Variants in STKLD1 observed in about 807,000 individuals in gnomAD.
The protein encoded by STKLD1 is serine/threonine kinase like domain containing 1.
STKLD1 carries 79 observed loss-of-function variants against 80.4 expected under a neutral mutation model. The ratio of observed to expected loss-of-function variants is 0.98; its 90% confidence interval spans 0.82 to 1.19. The LOEUF (loss-of-function observed/expected upper bound fraction) is 1.19, where lower values mean the gene tolerates loss of function less well. Ranked by LOEUF, STKLD1 falls within the 50% of genes most tolerant of loss-of-function variation. The pLI is 0.00. For missense variants in STKLD1, 841 were observed against 856.0 expected (o/e 0.98, Z 0.22); for synonymous variants, 393 against 357.6 (o/e 1.10, Z -1.12).
chr9:133,385,167 A>G lies in STKLD1; in HGVS notation c.220-450A>G, dbSNP rs1838236616. 6.6e-6 allele frequency among the ~76,000 whole-genome samples: 1 copy of G among 152,200 alleles called. No individual in the cohort carries two copies. The highest frequency in any genetic ancestry group is 2.4e-5 in the African/African-American group (1 of 41,434). ...TTGTCTGTCTGGCTCCATGTCTCTA[A>G]GGCAGCCCTATCTGCTCCTGTTTGG... On this transcript the variant is annotated intron_variant, in intron 3 of 17. Transcript: ENST00000371957. This position sits in a 1 kb window ranked among gnomAD's most constrained non-coding sequence, Gnocchi z 4.9.
intron 10 of STKLD1, among the ~76,000 whole-genome samples, chr9:133,397,676 C>T (rs897239300): frequency 6.6e-6 from 1 of 152,214 alleles, no homozygotes; most frequent in Non-Finnish European, 1.5e-5. Context: ...GGACATCTTC[C>T]TCACACAGCA....
intron 2 of STKLD1, among the ~76,000 whole-genome samples, chr9:133,380,581 C>T (rs997581226): frequency 2.6e-5 from 4 of 151,914 alleles, no homozygotes; most frequent in African/African-American, 7.2e-5. Context: ...TGAACCCGGG[C>T]GGCGGAGGTT....
chr9:133,388,409 A>G (rs912715620), intron 5 of STKLD1, among the ~76,000 whole-genome samples: 2 of 151,986 alleles, frequency 1.3e-5, no homozygotes, highest in Non-Finnish European at 2.9e-5. Context: ...CACCACACCC[A>G]CTAATTTTTG....
intron 9 of STKLD1, 177 bp downstream of exon 9, chr9:133,395,940 C>T (rs587687818): frequency 2.9e-4 from 183 of 640,226 alleles, no homozygotes; most frequent in Non-Finnish European, 4.5e-4. Context: ...AACCGTGCTG[C>T]GGCGAGTAAT....
chr9:133,379,591 T>C (rs1838085179), intron 2 of STKLD1, among the ~76,000 whole-genome samples: 1 of 152,030 alleles, frequency 6.6e-6, no homozygotes, highest in Non-Finnish European at 1.5e-5. Flanking sequence ...CCAGAGAGGA[T>C]GGGGACTGGC....
At chr9:133,400,258 C>G (rs1490036325) in intron 11 of STKLD1, among the ~76,000 whole-genome samples, 155 bp from the exon 12 acceptor site, 1 of 152,232 alleles carries the variant, frequency 6.6e-6, no homozygotes, top group African/African-American at 2.4e-5. Context: ...GGCATGCACT[C>G]CATGGACCTA....
Position 133,390,316 on chromosome 9 carries a change from G to A in STKLD1, c.468-365G>A, listed in dbSNP as rs1346972018. 2.6e-5 allele frequency among the ~76,000 whole-genome samples: 4 copies of A among 151,610 alleles called. No individual in the cohort carries two copies. Among genetic ancestry groups the A allele is most frequent in the South Asian group, 2.1e-4 (1 of 4,820 alleles). ...ACATCCAGTGTTCATGTCACTAGAC[G>A]TCGCACAATGGCCAAAAATCAATCC... On this transcript the variant is annotated intron_variant, in intron 6 of 17. Transcript: ENST00000371957. The surrounding 1 kb of genome is among the most constrained non-coding windows in gnomAD (Gnocchi z 5.1).
In STKLD1 at chr9:133,389,560, C is replaced by T. The variant is rs146272196; in HGVS notation, c.431C>T (p.Ala144Val). 2.0e-5 allele frequency: 33 copies of T among 1,613,520 alleles called. No homozygotes were observed. The highest frequency in any genetic ancestry group is 1.1e-4 in the African/African-American group (8 of 75,040). The change falls in exon 6 of 18, where the codon GCG becomes GTG. Residue 144 changes from alanine to valine, a missense_variant. Transcript: ENST00000371957. This position sits in a 1 kb window ranked among gnomAD's most constrained non-coding sequence, Gnocchi z 6.4. ...MQNVLGQVLD[A>V]LEYLHHLDII... ...AATGTGCTGGGCCAGGTGCTGGACG[C>T]GCTGGAATACCTGCACCATTTGGAC... is the stretch of plus-strand genomic sequence containing the variant.
rs782502221 is a variant in STKLD1 at position 133,400,461 on chromosome 9, A to C, written c.1130A>C (p.Glu377Ala). The C allele has an allele frequency of 6.2e-7, 1 of 1,613,338 alleles. No homozygotes were observed. Among genetic ancestry groups the C allele is most frequent in the Admixed American group, 1.7e-5 (1 of 60,024 alleles). Residue 377 changes from glutamate to alanine, a missense_variant, in exon 12 of 18, where the codon GAG (glutamate) becomes GCG (alanine). Physicochemically the swap from Glu to Ala is moderately radical, Grantham distance 107. Transcript: ENST00000371957. ...ELVEVVVTTM[E>A]LHDRVLDVQL... ...GTGGAGGTGGTGGTCACGACCATGG[A>C]GCTACATGACAGGGTCCTCGATGTC...
intron 11 of STKLD1, 68 bp downstream of exon 11, chr9:133,398,123 G>A (rs1588752754): frequency 1.3e-6 from 2 of 1,489,694 alleles, no homozygotes; most frequent in South Asian, 1.2e-5. Flanking sequence ...CCGGCCTGTG[G>A]GGAGCTGAGG....
intron 1 of STKLD1, among the ~76,000 whole-genome samples, chr9:133,377,429 G>T (rs1171841084): frequency 6.6e-6 from 1 of 152,220 alleles, no homozygotes; most frequent in Non-Finnish European, 1.5e-5. Context: ...ACTTTGGGAG[G>T]CCAAGGCGGG....
At chr9:133,392,152 C>T (rs1489640853) in intron 7 of STKLD1, among the ~76,000 whole-genome samples, 8 of 151,326 alleles carry the variant, frequency 5.3e-5, no homozygotes, top group Non-Finnish European at 1.5e-5. Context: ...TCTCGGCTCA[C>T]TGCAAGCTCC....
chr9:133,393,191 C>CATGG (rs1276349804), intron 7 of STKLD1, among the ~76,000 whole-genome samples: 9,099 of 90,600 alleles, frequency 0.1, 725 homozygotes, highest in African/African-American at 0.23. Flanking sequence ...TGGATGAGTG[C>CATGG]ATGGATGGAT....
chr9:133,387,666 T>C (rs1838295029), intron 5 of STKLD1, 118 bp downstream of exon 5: 1 of 804,386 alleles, frequency 1.2e-6, no homozygotes, highest in Admixed American at 1.9e-5. Flanking sequence ...CTTGTTTTTT[T>C]CTTAAATGTG....
At chr9:133,399,105 T>C (rs1838631478) in intron 11 of STKLD1, among the ~76,000 whole-genome samples, 1 of 152,224 alleles carries the variant, frequency 6.6e-6, no homozygotes, top group African/African-American at 2.4e-5. Context: ...CTGCCTGTCT[T>C]GGCTTTCCAA....
intron 7 of STKLD1, among the ~76,000 whole-genome samples, chr9:133,391,521 G>A (rs2119222290): frequency 6.6e-6 from 1 of 151,790 alleles, no homozygotes; most frequent in African/African-American, 2.4e-5. Context: ...TCTGTACTAA[G>A]AAAAATTCTT....
intron 11 of STKLD1, among the ~76,000 whole-genome samples, chr9:133,399,914 G>A (rs923470112): frequency 8.1e-5 from 12 of 148,728 alleles, no homozygotes; most frequent in African/African-American, 3.0e-4. Flanking sequence ...GTCTTGCTTC[G>A]CTCCACACTC....
At position 133,390,055 on chromosome 9, in the gene STKLD1, C is replaced by T. The variant is rs2130285623; in HGVS notation, c.467+459C>T. Among the ~76,000 whole-genome samples the T allele has an allele frequency of 9.2e-5, 14 of 152,262 alleles. No individual in the cohort carries two copies. Among genetic ancestry groups the T allele is most frequent in the African/African-American group, 3.1e-4 (13 of 41,542 alleles). On this transcript the variant is annotated intron_variant, in intron 6 of 17. Coordinates refer to ENST00000371957, the MANE Select transcript of STKLD1 (RefSeq NM_153710.5). The surrounding 1 kb of genome is among the most constrained non-coding windows in gnomAD (Gnocchi z 5.1). ...TTTAAAGAGGAAGAGGGAAACTATG[C>T]AGCTGGGCGTGGTGGTGCACGCCTG...
intron 16 of STKLD1, 21 bp from the exon 17 acceptor site, chr9:133,404,768 C>G (rs781857235): frequency 1.9e-6 from 3 of 1,609,664 alleles, no homozygotes; most frequent in Admixed American, 3.4e-5. Context: ...GGGAATGAAC[C>G]CACTCCCACC....
Sources: gnomAD v4.1 joint callset for allele counts (sites outside exome capture counted in the v4.1 genomes callset) on GRCh38, gnomAD v4.1.1 for gene constraint, Gnocchi (gnomAD v3.1) non-coding constraint, MANE v1.5 for transcripts, NCBI Gene and HGNC (gene_info 2026-07-23, HGNC 2026-07-21) for gene names.